Variants in MYO5A observed in about 807,000 individuals in gnomAD.
MYO5A encodes myosin VA, also known as unconventional myosin-Va.
In MYO5A, 98 loss-of-function variants were observed where a neutral mutation model predicts 249.7. The ratio of observed to expected loss-of-function variants is 0.39; its 90% CI spans 0.33 to 0.46. MYO5A has a LOEUF of 0.46. MYO5A is among the 20% of genes least tolerant of loss of function. The pLI, the probability that MYO5A is intolerant of heterozygous loss-of-function variation, is 0.98. For synonymous variants in MYO5A, 778 were observed against 810.6 expected (o/e 0.96, Z 0.68); for missense variants, 1,696 against 2,308.8 (o/e 0.73, Z 5.44).
chr15:52,480,743 T>C (rs1391912316), intron 1 of MYO5A, among the ~76,000 whole-genome samples: 3 of 152,218 alleles, frequency 2.0e-5, no homozygotes, highest in Non-Finnish European at 1.5e-5. Flanking sequence ...AGGAGTCGCA[T>C]GAGAAAATTC....
At chr15:52,460,760 C>A (rs1284442543) in intron 1 of MYO5A, among the ~76,000 whole-genome samples, 1 of 151,888 alleles carries the variant, frequency 6.6e-6, no homozygotes, top group Non-Finnish European at 1.5e-5. Flanking sequence ...AGTTTCTCCC[C>A]CCACCCCAAA....
At chr15:52,485,735 G>A (rs1376229396) in intron 1 of MYO5A, among the ~76,000 whole-genome samples, 1 of 152,124 alleles carries the variant, frequency 6.6e-6, no homozygotes, top group Non-Finnish European at 1.5e-5. Flanking sequence ...ACTTTTGGTA[G>A]AAAAAGCCTC....
intron 11 of MYO5A, among the ~76,000 whole-genome samples, chr15:52,395,707 T>C (rs571512242): frequency 6.6e-5 from 10 of 152,268 alleles, no homozygotes; most frequent in African/African-American, 2.4e-4. Context: ...TGACACAGGG[T>C]AGGATTCCAA....
intron 1 of MYO5A, among the ~76,000 whole-genome samples, chr15:52,513,222 G>A (rs569827129): frequency 1.7e-3 from 258 of 151,948 alleles, no homozygotes; most frequent in Non-Finnish European, 2.8e-3. Flanking sequence ...CCTGAGGTCA[G>A]GGGTTCAACA....
chr15:52,446,354 C>T (rs1045295765), intron 1 of MYO5A, among the ~76,000 whole-genome samples: 3 of 152,242 alleles, frequency 2.0e-5, no homozygotes, highest in Non-Finnish European at 4.4e-5. Flanking sequence ...TAGCAGATTC[C>T]ATGTGGTGTT....
chr15:52,505,818 G>A, intron 1 of MYO5A: 3 of 1,594,584 alleles, frequency 1.9e-6, no homozygotes, highest in Non-Finnish European at 8.5e-7. Context: ...CTGCGTTTGA[G>A]GACTATGTGC....
At chr15:52,424,469 AT>A (rs1169852334) in intron 4 of MYO5A, among the ~76,000 whole-genome samples, 2 of 152,326 alleles carry the variant, frequency 1.3e-5, no homozygotes, top group East Asian at 3.9e-4. Context: ...TTAGTTAAAA[AT>A]GGAAAGCAAT....
chr15:52,452,804 C>T (rs66674706), intron 1 of MYO5A, among the ~76,000 whole-genome samples: 22,443 of 149,732 alleles, frequency 0.15, 1,786 homozygotes, highest in Middle Eastern at 0.23. Flanking sequence ...GCCAAGATTG[C>T]GCCACTGTAC....
intron 4 of MYO5A, among the ~76,000 whole-genome samples, chr15:52,417,660 G>A (rs909348032): frequency 3.3e-5 from 5 of 152,146 alleles, no homozygotes; most frequent in African/African-American, 1.2e-4. Context: ...CCTCAGGAAT[G>A]GATTAATGGC....
At chr15:52,406,436 T>C (rs750070655) in intron 8 of MYO5A, among the ~76,000 whole-genome samples, 1 of 152,220 alleles carries the variant, frequency 6.6e-6, no homozygotes, top group East Asian at 1.9e-4. Context: ...ACTTTTAATA[T>C]GCATATGAAT....
intron 4 of MYO5A, among the ~76,000 whole-genome samples, chr15:52,418,143 G>A (rs10083673): frequency 0.48 from 73,482 of 151,984 alleles, 21,041 homozygotes; most frequent in Non-Finnish European, 0.63. Context: ...TTTGGAAAGA[G>A]CAGATAACTC....
chr15:52,450,296 A>G (rs181318708), intron 1 of MYO5A, among the ~76,000 whole-genome samples: 2 of 152,180 alleles, frequency 1.3e-5, no homozygotes, highest in East Asian at 3.9e-4. Context: ...TATGTGAAGT[A>G]CTCAGAACAG....
intron 40 of MYO5A, among the ~76,000 whole-genome samples, chr15:52,314,586 A>G (rs1251237450): frequency 6.6e-6 from 1 of 152,246 alleles, no homozygotes; most frequent in African/African-American, 2.4e-5. Context: ...ATTTTTATAC[A>G]AATGGGATTC....
chr15:52,345,072 T>C (rs1205242849), intron 30 of MYO5A, among the ~76,000 whole-genome samples: 4 of 152,356 alleles, frequency 2.6e-5, no homozygotes. Context: ...CATCCTTCAA[T>C]ATCCATTGGG....
chr15:52,373,987 AG>A, intron 20 of MYO5A, among the ~76,000 whole-genome samples: 1 of 148,760 alleles, frequency 6.7e-6, no homozygotes, highest in Non-Finnish European at 1.5e-5. Flanking sequence ...ATAAATAAAT[AG>A]GGCCTAGGTC....
At chr15:52,362,759 G>A (rs1220529420) in intron 24 of MYO5A, among the ~76,000 whole-genome samples, 1 of 152,182 alleles carries the variant, frequency 6.6e-6, no homozygotes, top group Non-Finnish European at 1.5e-5. Context: ...TAGCAGGAAG[G>A]AGGAGCCGTG....
At chr15:52,351,224 C>T in intron 28 of MYO5A, 30 bp downstream of exon 28, 1 of 1,574,666 alleles carries the variant, frequency 6.4e-7, no homozygotes, top group Non-Finnish European at 8.7e-7. Context: ...AGTCCCCGAA[C>T]ACCCAGTTTA....
At position 52,408,153 on chromosome 15, in the gene MYO5A, A is replaced by G; in HGVS notation, c.757-13T>C. ...TCTCCTCTTCTGCCTTCGAAATAAG[A>G]AGAGTTTTCAATTACAGCATTTTAA... On this transcript the variant is annotated splice_polypyrimidine_tract_variant and intron_variant, in intron 6 of 41. Coordinates refer to ENST00000399233, the MANE Select transcript of MYO5A (RefSeq NM_001382347.1). The G allele has an allele frequency of 6.7e-7, 1 of 1,497,388 alleles. No homozygotes were observed. The highest frequency in any genetic ancestry group is 2.3e-5 in the East Asian group (1 of 44,138). The allele number at this position is 1,497,388 out of a possible 1,614,324, so 92.8% of individuals were successfully genotyped here.
In MYO5A at chr15:52,429,993, T is replaced by C. The variant is rs994737695; in HGVS notation, c.139-1424A>G. Among the ~76,000 whole-genome samples, 8 of 152,240 alleles carry C rather than the reference T, an allele frequency of 5.3e-5. 1 individual carries two copies. Among genetic ancestry groups the C allele is most frequent in the South Asian group, 4.1e-4 (2 of 4,826 alleles). ...TAACTATATAAAGGGGCAAATAACATAGGACAAGTGAATAGGAATAAAAAT... is the reference window on the plus strand; with the variant it reads ...TAACTATATAAAGGGGCAAATAACACAGGACAAGTGAATAGGAATAAAAAT... On this transcript the variant is annotated intron_variant, in intron 2 of 41. Coordinates refer to ENST00000399233, the MANE Select transcript of MYO5A (RefSeq NM_001382347.1).
Sources: allele counts gnomAD v4.1 joint callset (sites outside exome capture counted in the v4.1 genomes callset), GRCh38; gene constraint gnomAD v4.1.1; transcripts MANE v1.5; gene names NCBI Gene and HGNC (gene_info 2026-07-23, HGNC 2026-07-21).